The following MSL3 variants were observed in gnomAD, a reference collection of about 807,000 sequenced individuals.
MSL3 encodes the protein MSL complex subunit 3.
In MSL3, 5 loss-of-function variants were observed where a neutral mutation model predicts 37.2. That is an observed-to-expected ratio of 0.13 (90% CI 0.07 to 0.28). The LOEUF (loss-of-function observed/expected upper bound fraction) is 0.28, where lower values mean the gene tolerates loss of function less well. MSL3 is among the 10% of genes least tolerant of loss of function. The probability of loss-of-function intolerance (pLI) is 1.00; values close to 1 mark genes in which losing one functional copy is unlikely to be tolerated. For missense variants in MSL3, 315 were observed against 408.5 expected, an observed-to-expected ratio of 0.77 and a Z score of 1.97; for synonymous variants, 149 against 147.6, an observed-to-expected ratio of 1.01 and a Z score of -0.07.
chrX:11,759,589 A>G lies in MSL3; in HGVS notation c.103-204A>G, dbSNP rs1286046757. The G allele has an allele frequency of 3.8e-6, 4 of 1,051,461 alleles. No homozygotes were observed. In the African/African-American group the frequency reaches 5.8e-5, roughly 15 times the overall value. 86.7% of individuals were successfully genotyped at this position (1,051,461 alleles called of 1,213,427 possible). A position where few individuals can be genotyped will look rare whatever the true frequency, so the allele number is the denominator to read the frequency against. The stretch of plus-strand genomic sequence containing the variant: ...ACTGTCTCACGCTCAGAGACCAATC[A>G]CGGGGTGGTTGGACGGATGTTTCCT... On this transcript the variant is annotated intron_variant, in intron 1 of 12. Transcript: ENST00000312196.
intron 1 of MSL3, chrX:11,758,622 A>G (rs781387616): frequency 1.6e-5 from 18 of 1,147,206 alleles, no homozygotes; most frequent in Non-Finnish European, 2.1e-5. Flanking sequence ...TTGTCGCGTT[A>G]CCGGGGCTAC....
chrX:11,763,372 C>T (rs2053150174), intron 7 of MSL3, among the ~76,000 whole-genome samples: 1 of 112,459 alleles, frequency 8.9e-6, no homozygotes, highest in African/African-American at 3.2e-5. Context: ...TCCTTGTATC[C>T]TGCCTGGTAC....
chrX:11,772,358 A>ATT, intron 11 of MSL3, 103 bp downstream of exon 11: 1 of 659,311 alleles, frequency 1.5e-6, no homozygotes. Context: ...TAACTAAGAA[A>ATT]TTTGGGGATC....
intron 6 of MSL3, 108 bp from the exon 7 acceptor site, chrX:11,762,729 G>T (rs1014790446): frequency 2.6e-6 from 2 of 758,219 alleles, no homozygotes; most frequent in African/African-American, 2.1e-5. Context: ...AATTGGCTTT[G>T]GTTTATTTTT....
intron 10 of MSL3, among the ~76,000 whole-genome samples, chrX:11,769,526 G>A (rs2053213724): frequency 8.9e-6 from 1 of 112,591 alleles, no homozygotes; most frequent in Non-Finnish European, 1.9e-5. Context: ...ACGTCTCCTA[G>A]GAGGTGAGAT....
chrX:11,758,448 G>A, intron 1 of MSL3, 83 bp downstream of exon 1: 8 of 937,868 alleles, frequency 8.5e-6, no homozygotes, highest in Non-Finnish European at 9.6e-6. Flanking sequence ...CGGCCGCGCG[G>A]AGCTGAGGGA....
In MSL3 at chrX:11,760,290, T is replaced by C. The variant is rs2053118935; in HGVS notation, c.186-113T>C. 4 of 497,334 alleles carry C rather than the reference T, an allele frequency of 8.0e-6. No individual in the cohort carries two copies. In the African/African-American group the frequency reaches 9.8e-5, roughly 12 times the overall value. 41.0% of individuals were successfully genotyped at this position (497,334 alleles called of 1,213,427 possible). Reference sequence around the variant, plus strand: ...CCTCCTCTTTGTGATTTTAAAATATTTAAATCGTTTTCTAAAAATGTAATT... The same window carrying C: ...CCTCCTCTTTGTGATTTTAAAATATCTAAATCGTTTTCTAAAAATGTAATT... On this transcript the variant is annotated intron_variant, in intron 2 of 12. Transcript: ENST00000312196.
At chrX:11,770,744 A>T (rs1015695433) in intron 10 of MSL3, among the ~76,000 whole-genome samples, 1 of 112,160 alleles carries the variant, frequency 8.9e-6, no homozygotes, top group Non-Finnish European at 1.9e-5. Flanking sequence ...TCCCCGGAAA[A>T]TGTGTCTTCA....
In MSL3 at chrX:11,763,011, T is replaced by C; in HGVS notation, c.749+14T>C. 1 of 1,182,334 alleles carries C rather than the reference T, an allele frequency of 8.5e-7. No homozygotes were observed. The highest frequency in any genetic ancestry group is 1.9e-5 in the South Asian group (1 of 51,400). On this transcript the variant is annotated intron_variant, in intron 7 of 12. Transcript: ENST00000312196. The stretch of plus-strand genomic sequence containing the variant: ...AGCAGAAAAGAAGTGAGTACTGGCA[T>C]GTTTGGTGTTTTGTGGTTCTCTCTG...
intron 7 of MSL3, among the ~76,000 whole-genome samples, chrX:11,763,531 G>C (rs113275793): frequency 8.9e-6 from 1 of 112,684 alleles, no homozygotes; most frequent in Non-Finnish European, 1.9e-5. Context: ...TGGACACCTC[G>C]TGTGGCCTCA....
rs1255610973 is a variant in MSL3 at position 11,775,166 on chromosome X, TACCC to T, written c.*90_*93del. ...AATAACTAACAAGGTGGTGGGTCTT[TACCC>T]ACAGCGCAAACACAATGCCCACCTT... On this transcript the variant is annotated 3_prime_UTR_variant, in exon 13 of 13. Coordinates refer to ENST00000312196, the MANE Select transcript of MSL3 (RefSeq NM_078629.4). 1.5e-6 allele frequency: 1 copy of T among 664,367 alleles called. No homozygotes were observed. Among genetic ancestry groups the T allele is most frequent in the African/African-American group, 2.2e-5 (1 of 45,686 alleles). 54.8% of individuals were successfully genotyped at this position (664,367 alleles called of 1,213,427 possible).
At chrX:11,758,408 C>A (rs2147240481) in intron 1 of MSL3, 43 bp downstream of exon 1, 2 of 1,002,522 alleles carry the variant, frequency 2.0e-6, no homozygotes, top group East Asian at 8.8e-5. Context: ...GGCTGGGGGA[C>A]CCGGGACCGG....
intron 12 of MSL3, among the ~76,000 whole-genome samples, chrX:11,773,301 A>G (rs965050397): frequency 3.6e-5 from 4 of 111,724 alleles, no homozygotes; most frequent in South Asian, 3.8e-4. Context: ...GATGATGTCT[A>G]TGGACCACTT....
rs747467425 is a variant in MSL3, at chrX:11,772,692, G to A, written c.1453G>A (p.Asp485Asn). 8.5e-7 allele frequency: 1 copy of A among 1,170,163 alleles called. No homozygotes were observed. Among genetic ancestry groups the A allele is most frequent in the Admixed American group, 2.3e-5 (1 of 44,184 alleles). The change falls in exon 12 of 13, where the codon GAT becomes AAT. Residue 485 changes from aspartate (D) to asparagine (N), a missense_variant. Transcript: ENST00000312196. ...TCTGAAGGCTTTATTGAAGCACTTT[G>A]ATCTCTTTTTGAGGTATTTTTATTA... is the stretch of plus-strand genomic sequence containing the variant. ...KNLKALLKHFDLFLRFLAEYH... is the reference protein window; with the variant it reads ...KNLKALLKHFNLFLRFLAEYH...
In MSL3 at chrX:11,761,963, A is replaced by G. The variant is rs1006018358; in HGVS notation, c.466-167A>G. 3.9e-4 allele frequency among the ~76,000 whole-genome samples: 44 copies of G among 112,452 alleles called. No homozygotes were observed. The Admixed American group carries it at 4.1e-3, about 11-fold the overall frequency. On this transcript the variant is annotated intron_variant, in intron 5 of 12. Transcript: ENST00000312196. ...TGAAATACATATTTGCATTGTGTTT[A>G]GTGCCCCCAAACAAGTTAACTTTTG...
chrX:11,758,780 A>T, intron 1 of MSL3: 1 of 1,164,436 alleles, frequency 8.6e-7, no homozygotes, highest in African/African-American at 1.8e-5. Context: ...CCAGGTTCTA[A>T]TTCATAGTTA....
At chrX:11,770,084 T>A (rs1211575544) in intron 10 of MSL3, among the ~76,000 whole-genome samples, 1 of 113,078 alleles carries the variant, frequency 8.8e-6, no homozygotes, top group Non-Finnish European at 1.9e-5. Context: ...TGTGGCTCTG[T>A]GTGCTGCCCC....
rs1427874379 is a variant in MSL3 at position 11,759,895 on chromosome X, C to G, written c.185+20C>G. On this transcript the variant is annotated intron_variant, in intron 2 of 12. Coordinates refer to ENST00000312196, the MANE Select transcript of MSL3 (RefSeq NM_078629.4). ...CAGAAGGTGAGTGAACTTGTTAAAC[C>G]AGACTGAAAATTGATTGTCTTTGCT... 2 of 1,202,814 alleles carry G rather than the reference C, an allele frequency of 1.7e-6. No homozygotes were observed. Among genetic ancestry groups the G allele is most frequent in the Non-Finnish European group, 2.2e-6 (2 of 890,981 alleles).
chrX:11,771,002 G>A (rs957498236), intron 10 of MSL3, among the ~76,000 whole-genome samples: 6 of 112,446 alleles, frequency 5.3e-5, no homozygotes, highest in South Asian at 7.3e-4. Flanking sequence ...GAAGTGGGGC[G>A]CTGGGGGTGG....
Sources: allele counts gnomAD v4.1 joint callset (sites outside exome capture counted in the v4.1 genomes callset), GRCh38; gene constraint gnomAD v4.1.1; transcripts MANE v1.5; gene names NCBI Gene and HGNC (gene_info 2026-07-23, HGNC 2026-07-21).